Variants in TET3 observed in about 807,000 individuals in gnomAD.
The protein encoded by TET3 is methylcytosine dioxygenase TET3.
Under a neutral mutation model 141.4 loss-of-function variants are expected in TET3, and 19 were observed. That is an observed-to-expected ratio of 0.13 (90% CI 0.09 to 0.20). The LOEUF is 0.20. Among genes scored for constraint, TET3 ranks in the 10% least tolerant of loss-of-function variants. The probability of loss-of-function intolerance (pLI) is 1.00; values close to 1 mark genes in which losing one functional copy is unlikely to be tolerated. For missense variants in TET3, 1,874 were observed against 2,356.9 expected, an observed-to-expected ratio of 0.80 and a Z score of 4.24; for synonymous variants, 1,043 against 980.9, an observed-to-expected ratio of 1.06 and a Z score of -1.18.
At chr2:74,133,480 A>T in the TET3 span, among the ~76,000 whole-genome samples, 1 of 152,208 alleles carries the variant, frequency 6.6e-6, no homozygotes, top group Non-Finnish European at 1.5e-5. Context: ...TGAAGGATCC[A>T]CTTCCAAGGT....
chr2:74,096,682 C>G (rs1174180391), intron 10 of TET3, among the ~76,000 whole-genome samples: 1 of 151,730 alleles, frequency 6.6e-6, no homozygotes, highest in Non-Finnish European at 1.5e-5. Context: ...GCAGGAGAAT[C>G]GCTTGAACCC....
chr2:74,069,811 C>T (rs1010648403), intron 4 of TET3, among the ~76,000 whole-genome samples: 1 of 151,986 alleles, frequency 6.6e-6, no homozygotes, highest in African/African-American at 2.4e-5. Context: ...TGTTGCCCAA[C>T]CTGGTCTCAA....
chr2:74,076,221 G>C (rs1689496348), intron 5 of TET3, among the ~76,000 whole-genome samples: 1 of 151,834 alleles, frequency 6.6e-6, no homozygotes, highest in Non-Finnish European at 1.5e-5. Context: ...TTCAGAAACT[G>C]ATCCAAGGGA....
At chr2:74,119,913 T>C in the TET3 span, among the ~76,000 whole-genome samples, 1 of 152,380 alleles carries the variant, frequency 6.6e-6, no homozygotes, top group South Asian at 2.1e-4. Flanking sequence ...TTTTAAATAC[T>C]TGTCAAATTA....
intron 4 of TET3, among the ~76,000 whole-genome samples, chr2:74,072,976 T>G (rs1397222714): frequency 6.6e-6 from 1 of 152,276 alleles, no homozygotes; most frequent in Non-Finnish European, 1.5e-5. Flanking sequence ...ATACGCATTT[T>G]ATGTATCCAT....
In TET3 at chr2:74,102,146, G is replaced by C; in HGVS notation, c.5358G>C (p.Lys1786Asn). ...CCGTGTCCTCCTATGCCTACACGAA[G>C]GTCACTGGCCCCTACAGCCGCTGGA... ...AVTVSSYAYT[K>N]VTGPYSRWI is the part of the protein sequence containing the mutation. Residue 1786 changes from lysine to asparagine, a missense_variant, in exon 12 of 12, where the codon AAG (lysine) becomes AAC (asparagine). Lys to Asn is a moderately conservative substitution (Grantham distance 94). Around this residue, in one of 10 missense-constraint regions of TET3, gnomAD observed 113 missense variants for 114.3 expected, o/e 0.99. Coordinates refer to ENST00000409262, the MANE Select transcript of TET3 (RefSeq NM_001287491.2). 6.8e-7 allele frequency: 1 copy of C among 1,469,960 alleles called. No individual in the cohort carries two copies. Among genetic ancestry groups the C allele is most frequent in the Non-Finnish European group, 9.0e-7 (1 of 1,109,818 alleles). The allele number at this position is 1,469,960 out of a possible 1,614,324, so 91.1% of individuals were successfully genotyped here.
At chr2:74,100,371 A>G (rs1007390126) in intron 11 of TET3, 22 bp from the exon 12 acceptor site, 2 of 1,551,306 alleles carry the variant, frequency 1.3e-6, no homozygotes, top group Non-Finnish European at 1.7e-6. Flanking sequence ...CCCCTCTGCC[A>G]TCTTGCCTTC....
chr2:74,088,606 A>AC (rs1223755582), intron 7 of TET3, among the ~76,000 whole-genome samples: 1 of 152,186 alleles, frequency 6.6e-6, no homozygotes, highest in Admixed American at 6.5e-5. Flanking sequence ...GCACCACTGC[A>AC]CTCCAGCCTG....
At position 74,003,271 on chromosome 2, in the gene TET3, C is replaced by T; in HGVS notation, c.360+105C>T. The T allele has an allele frequency of 2.8e-6, 4 of 1,447,270 alleles. No homozygotes were observed. In the South Asian group the frequency reaches 3.8e-5, roughly 14 times the overall value. The allele number at this position is 1,447,270 out of a possible 1,614,324, so 89.7% of individuals were successfully genotyped here. A position where few individuals can be genotyped will look rare whatever the true frequency, so the allele number is the denominator to read the frequency against. ...GGGTCTCCTCTGGTGATCCCTTAATCTCCCACTGTGTGTGTAGCAGCAGCT... is the reference window on the plus strand; with the variant it reads ...GGGTCTCCTCTGGTGATCCCTTAATTTCCCACTGTGTGTGTAGCAGCAGCT... On this transcript the variant is annotated intron_variant, in intron 3 of 11. Transcript: ENST00000409262.
At chr2:74,022,809 C>T (rs576697910) in intron 3 of TET3, among the ~76,000 whole-genome samples, 1 of 152,214 alleles carries the variant, frequency 6.6e-6, no homozygotes, top group East Asian at 1.9e-4. Flanking sequence ...AAGAGTCTTG[C>T]TCTGTCGCCT....
chr2:74,001,261 G>A (rs1483456919), intron 2 of TET3, among the ~76,000 whole-genome samples: 2 of 152,178 alleles, frequency 1.3e-5, no homozygotes, highest in Non-Finnish European at 2.9e-5. Context: ...TTGGGCCCCC[G>A]GGGAGGGGAC....
intron 3 of TET3, among the ~76,000 whole-genome samples, chr2:74,022,927 C>T (rs907212459): frequency 6.6e-6 from 1 of 152,164 alleles, no homozygotes; most frequent in Non-Finnish European, 1.5e-5. Context: ...AGGCACTCGC[C>T]ATCACGCCTG....
intron 2 of TET3, among the ~76,000 whole-genome samples, chr2:73,996,633 G>A (rs1192330877): frequency 6.6e-6 from 1 of 152,158 alleles, no homozygotes. Context: ...TTAGCCTCCT[G>A]AGTAGCTGGG....
At chr2:74,109,316 CGA>C (rs146864318), downstream of TET3, among the ~76,000 whole-genome samples, 3,045 of 152,282 alleles carry the variant, frequency 0.02, 91 homozygotes, top group African/African-American at 0.067. Flanking sequence ...AATCCCACCA[CGA>C]GAGAACCGCA....
Position 74,094,920 on chromosome 2 carries a change from G to T in TET3, c.3267+1254G>T, listed in dbSNP as rs1193978417. On this transcript the variant is annotated intron_variant, in intron 10 of 11. Transcript: ENST00000409262. Reference sequence around the variant, plus strand: ...GGTGGAGATGTGGAGTAGGCAGGGGGCAAGGAGGGTCTGGAGAGCACGTGG... The same window carrying T: ...GGTGGAGATGTGGAGTAGGCAGGGGTCAAGGAGGGTCTGGAGAGCACGTGG... Among the ~76,000 whole-genome samples the T allele has an allele frequency of 2.6e-5, 4 of 152,284 alleles. No individual in the cohort carries two copies. In the South Asian group the frequency reaches 8.3e-4, roughly 32 times the overall value.
chr2:74,070,817 A>T (rs1011025217), intron 4 of TET3, among the ~76,000 whole-genome samples: 1 of 152,118 alleles, frequency 6.6e-6, no homozygotes, highest in Admixed American at 6.5e-5. Context: ...CTACAAAAAA[A>T]TAGAAAAATT....
chr2:74,076,209 T>G (rs556190613), intron 5 of TET3, among the ~76,000 whole-genome samples: 47 of 152,104 alleles, frequency 3.1e-4, no homozygotes, highest in Non-Finnish European at 5.3e-4. Flanking sequence ...AGCTGTAGAC[T>G]CTTCAGAAAC....
intron 8 of TET3, among the ~76,000 whole-genome samples, chr2:74,090,755 G>A (rs1210143894): frequency 6.6e-6 from 1 of 152,186 alleles, no homozygotes; most frequent in Non-Finnish European, 1.5e-5. Flanking sequence ...TCTGATGCCT[G>A]CATGGCAAAG....
intron 6 of TET3, among the ~76,000 whole-genome samples, chr2:74,084,254 T>G (rs972617820): frequency 3.9e-5 from 6 of 152,238 alleles, no homozygotes; most frequent in African/African-American, 1.4e-4. Flanking sequence ...GACATTACAT[T>G]AAGTGAAATA....
Sources: allele counts gnomAD v4.1 joint callset (sites outside exome capture counted in the v4.1 genomes callset), GRCh38; gene constraint gnomAD v4.1.1; regional missense constraint gnomAD v4.1.1; transcripts MANE v1.5; gene names NCBI Gene and HGNC (gene_info 2026-07-23, HGNC 2026-07-21).